Variants in GRIPAP1 observed in about 807,000 individuals in gnomAD.
GRIPAP1 encodes the protein GRIP1 associated protein 1.
A neutral mutation model predicts 84.1 loss-of-function variants in GRIPAP1; 14 were observed. The observed-to-expected ratio is 0.17, with a 90% CI of 0.11 to 0.26. The LOEUF is 0.26. Ranked by LOEUF, GRIPAP1 falls within the 10% of genes least tolerant of loss-of-function variation. GRIPAP1 has a pLI of 1.00. For synonymous variants in GRIPAP1, 261 were observed against 256.8 expected (o/e 1.02, Z -0.15); for missense variants, 518 against 674.2 (o/e 0.77, Z 2.57).
intron 6 of GRIPAP1, among the ~76,000 whole-genome samples, chrX:48,992,318 T>G (rs1365255519): frequency 2.7e-5 from 3 of 112,436 alleles, no homozygotes; most frequent in Non-Finnish European, 5.6e-5. Flanking sequence ...ATTATTTTAT[T>G]TTTAGTACAC....
chrX:48,994,596 C>T (rs1557066391), intron 5 of GRIPAP1, among the ~76,000 whole-genome samples: 1 of 111,868 alleles, frequency 8.9e-6, no homozygotes, highest in African/African-American at 3.2e-5. Flanking sequence ...TCTTTGCATC[C>T]CTCAGTGCTC....
intron 14 of GRIPAP1, 79 bp downstream of exon 14, chrX:48,985,189 C>T: frequency 1.1e-6 from 1 of 918,497 alleles, no homozygotes; most frequent in Non-Finnish European, 1.6e-6. Context: ...CTCCAGTCTT[C>T]CCACTCCACC....
chrX:48,989,283 A>T (rs2064507960), intron 11 of GRIPAP1, among the ~76,000 whole-genome samples: 1 of 111,114 alleles, frequency 9.0e-6, no homozygotes, highest in African/African-American at 3.3e-5. Context: ...GGGAGTTCAG[A>T]CTTACCCCAG....
intron 6 of GRIPAP1, 107 bp from the exon 7 acceptor site, chrX:48,991,217 C>T (rs1453329969): frequency 1.8e-6 from 1 of 549,910 alleles, no homozygotes; most frequent in Non-Finnish European, 3.2e-6. Flanking sequence ...GTGGCAGAGT[C>T]CCTGTGCCAA....
At position 48,989,481 on chromosome X, in the gene GRIPAP1, G is replaced by A. The variant is rs962080147; in HGVS notation, c.870+130C>T. 4 of 452,920 alleles carry A rather than the reference G, an allele frequency of 8.8e-6. No individual in the cohort carries two copies. The African/African-American group carries it at 9.9e-5, about 11-fold the overall frequency. 37.3% of individuals were successfully genotyped at this position (452,920 alleles called of 1,213,427 possible). On this transcript the variant is annotated intron_variant, in intron 11 of 25. Coordinates refer to ENST00000376423, the MANE Select transcript of GRIPAP1 (RefSeq NM_020137.5). Reference sequence around the variant, plus strand: ...CCAATTCCCATTTTCCTAGCTCCTGGGGGGCCCCAGAACCCATTTCCAACA... The same window carrying A: ...CCAATTCCCATTTTCCTAGCTCCTGAGGGGCCCCAGAACCCATTTCCAACA...
At chrX:48,998,776 G>T (rs1420947918) in intron 3 of GRIPAP1, among the ~76,000 whole-genome samples, 1 of 111,929 alleles carries the variant, frequency 8.9e-6, no homozygotes, top group East Asian at 2.8e-4. Context: ...ACAGAGCAGT[G>T]ACAAAGGAGC....
chrX:48,975,562 G>GAAA (rs1443508376), intron 24 of GRIPAP1: 47 of 369,569 alleles, frequency 1.3e-4, no homozygotes, highest in Non-Finnish European at 2.0e-4. Context: ...AGAGCACACA[G>GAAA]AAAGTCCTCA....
intron 17 of GRIPAP1, among the ~76,000 whole-genome samples, chrX:48,982,394 C>T (rs1557062480): frequency 8.9e-6 from 1 of 112,337 alleles, no homozygotes; most frequent in African/African-American, 3.2e-5. Context: ...GTTCTTTTTC[C>T]GAGACAGAGT....
Position 48,987,818 on chromosome X carries a change from A to G in GRIPAP1, c.1008T>C (p.Asn336=). 2 of 1,204,992 alleles carry G rather than the reference A, an allele frequency of 1.7e-6. No homozygotes were observed. The highest frequency in any genetic ancestry group is 2.2e-6 in the Non-Finnish European group (2 of 890,780). The change falls in exon 13 of 26, where the codon AAT becomes AAC. Residue 336 remains asparagine (N), a synonymous_variant. Coordinates refer to ENST00000376423, the MANE Select transcript of GRIPAP1 (RefSeq NM_020137.5). Reference sequence around the variant, plus strand: ...GGGCAGCCAGGCTAGTCCTCAAGGCATTGTTCTCAGCCAAAAGCCCTTCCA... The same window carrying G: ...GGGCAGCCAGGCTAGTCCTCAAGGCGTTGTTCTCAGCCAAAAGCCCTTCCA... ...EQVEGLLAEN[N]ALRTSLAALE...
At chrX:48,995,924 G>C (rs1023978239) in intron 5 of GRIPAP1, among the ~76,000 whole-genome samples, 1 of 111,867 alleles carries the variant, frequency 8.9e-6, no homozygotes, top group African/African-American at 3.2e-5. Context: ...AAATATTTTA[G>C]AGGGAAGATG....
In GRIPAP1 at chrX:48,978,418, G is replaced by C; in HGVS notation, c.1948C>G (p.Leu650Val). Residue 650 changes from leucine to valine, a missense_variant, in exon 22 of 26, where the codon CTC (leucine) becomes GTC (valine). By Grantham distance (32) the Leu-to-Val change is conservative (BLOSUM62 1). This residue lies in a region of GRIPAP1 where 66 missense variants were observed against 65.2 expected (regional missense o/e 1.01). Coordinates refer to ENST00000376423, the MANE Select transcript of GRIPAP1 (RefSeq NM_020137.5). ...CGGCTTGGTGAGTTCATCTCTGAGAGAACCAGCTCCTCAAGGCCTGGGTGG... is the reference window on the plus strand; with the variant it reads ...CGGCTTGGTGAGTTCATCTCTGAGACAACCAGCTCCTCAAGGCCTGGGTGG... ...KSRSGLEELV[L>V]SEMNSPSRTQ... The C allele has an allele frequency of 8.3e-7, 1 of 1,201,888 alleles. No homozygotes were observed. Among genetic ancestry groups the C allele is most frequent in the East Asian group, 3.0e-5 (1 of 33,558 alleles).
intron 17 of GRIPAP1, 91 bp downstream of exon 17, chrX:48,982,888 G>C: frequency 3.5e-6 from 2 of 572,877 alleles, no homozygotes; most frequent in Non-Finnish European, 6.1e-6. Flanking sequence ...GAAAATCTCG[G>C]GAAGTTCCAG....
intron 5 of GRIPAP1, 117 bp downstream of exon 5, chrX:48,997,133 C>T: frequency 2.0e-6 from 1 of 493,596 alleles, no homozygotes; most frequent in Non-Finnish European, 3.4e-6. Context: ...CCTGTTTCAG[C>T]ACCACGGACA....
rs1170246296 is a variant in GRIPAP1 at position 48,975,142 on chromosome X, A to T, written c.2433+13T>A. The T allele has an allele frequency of 5.8e-6, 7 of 1,198,596 alleles. No homozygotes were observed. In the Admixed American group the frequency reaches 1.1e-4, roughly 19 times the overall value. ...TGGGTGAACAGATGGGTAGGCTGGC[A>T]GGCCACACTTGCCTTGTGCAAGTGC... On this transcript the variant is annotated intron_variant, in intron 25 of 25. Transcript: ENST00000376423.
chrX:48,982,534 C>A (rs1557062529), intron 17 of GRIPAP1, among the ~76,000 whole-genome samples: 1 of 112,070 alleles, frequency 8.9e-6, no homozygotes, highest in East Asian at 2.8e-4. Flanking sequence ...AGCCACCATG[C>A]CCGGCTAATT....
Position 49,002,235 on chromosome X carries a change from T to TG in GRIPAP1, c.-7_-6insC. 3 of 1,109,042 alleles carry TG rather than the reference T, an allele frequency of 2.7e-6. No individual in the cohort carries two copies. The highest frequency in any genetic ancestry group is 3.7e-6 in the Non-Finnish European group (3 of 812,821). 91.4% of individuals were successfully genotyped at this position (1,109,042 alleles called of 1,213,427 possible). ...TCAGACAGAGCTTGCGCCATGTTCC[T>TG]CCCCCCACCCCCCCGCCAGCTTTCT... is the stretch of plus-strand genomic sequence containing the variant. On this transcript the variant is annotated 5_prime_UTR_variant, in exon 1 of 26. Coordinates refer to ENST00000376423, the MANE Select transcript of GRIPAP1 (RefSeq NM_020137.5).
Position 48,999,334 on chromosome X carries a change from C to T in GRIPAP1, c.110-35G>A, listed in dbSNP as rs781790843. 4.3e-6 allele frequency: 5 copies of T among 1,166,977 alleles called. No homozygotes were observed. In the Admixed American group the frequency reaches 1.1e-4, roughly 26 times the overall value. ...GGAAAGCAGGGAAACTCAGCCTCAGCCAGTGGCAAGAAACTGAAAGGCCTT... is the reference window on the plus strand; with the variant it reads ...GGAAAGCAGGGAAACTCAGCCTCAGTCAGTGGCAAGAAACTGAAAGGCCTT... On this transcript the variant is annotated intron_variant, in intron 2 of 25. Transcript: ENST00000376423.
chrX:48,979,478 CAAAAAAAAAA>C (rs2064442674), intron 21 of GRIPAP1, among the ~76,000 whole-genome samples: 2 of 3,677 alleles, frequency 5.4e-4, no homozygotes, highest in Non-Finnish European at 9.5e-4. Flanking sequence ...CTCCGTCTAA[CAAAAAAAAAA>C]AAAAAAAAAA....
chrX:48,988,833 A>G (rs2064505801), intron 11 of GRIPAP1, among the ~76,000 whole-genome samples: 1 of 109,664 alleles, frequency 9.1e-6, no homozygotes, highest in African/African-American at 3.3e-5. Context: ...CTTTACCCAG[A>G]CTCCCGTCTC....
Sources: gnomAD v4.1 joint callset for allele counts (sites outside exome capture counted in the v4.1 genomes callset) on GRCh38, gnomAD v4.1.1 for gene constraint, gnomAD v4.1.1 regional missense constraint, MANE v1.5 for transcripts, NCBI Gene and HGNC (gene_info 2026-07-23, HGNC 2026-07-21) for gene names.